PRRC2B: variants seen among roughly 807,000 people sequenced by gnomAD.
PRRC2B encodes the protein proline rich coiled-coil 2B, also known as protein PRRC2B.
PRRC2B carries 68 observed loss-of-function variants against 242.3 expected under a neutral mutation model. That is an observed-to-expected ratio of 0.28 (90% confidence interval 0.23 to 0.34). PRRC2B has a LOEUF of 0.34. PRRC2B is among the 10% of genes least tolerant of loss of function. PRRC2B has a pLI of 1.00. For missense variants in PRRC2B, 2,835 were observed against 2,954.8 expected, an observed-to-expected ratio of 0.96 and a Z score of 0.94; for synonymous variants, 1,228 against 1,173.6, an observed-to-expected ratio of 1.05 and a Z score of -0.95.
intron 23 of PRRC2B, among the ~76,000 whole-genome samples, chr9:131,483,762 C>T (rs1943938030): frequency 6.6e-6 from 1 of 152,308 alleles, no homozygotes; most frequent in East Asian, 1.9e-4. Context: ...TAGGAGAGCC[C>T]TCCTCAGGAG....
At chr9:131,484,347 G>T (rs1482067270) in intron 23 of PRRC2B, among the ~76,000 whole-genome samples, 1 of 152,188 alleles carries the variant, frequency 6.6e-6, no homozygotes, top group Non-Finnish European at 1.5e-5. Flanking sequence ...TCCCTGTCTG[G>T]AGGGCACTAT....
Position 131,474,503 on chromosome 9 carries a change from G to C in PRRC2B, c.2374G>C (p.Ala792Pro). The C allele has an allele frequency of 6.2e-7, 1 of 1,614,010 alleles. No individual in the cohort carries two copies. The highest frequency in any genetic ancestry group is 1.7e-4 in the Middle Eastern group (1 of 6,052). ...ACTCGGAAGGGCAGGGGGCGTAAGTGCTCAGCGCGATCTCTTTGAGGAGAG... is the reference window on the plus strand; with the variant it reads ...ACTCGGAAGGGCAGGGGGCGTAAGTCCTCAGCGCGATCTCTTTGAGGAGAG... ...ASLGRAGGVSAQRDLFEERGE... is the reference protein window; with the variant it reads ...ASLGRAGGVSPQRDLFEERGE... Residue 792 changes from alanine to proline, a missense_variant, in exon 16 of 32, where the codon GCT (alanine) becomes CCT (proline). Physicochemically the swap from Ala to Pro is conservative, Grantham distance 27. This residue lies in a region of PRRC2B where 1,536 missense variants were observed against 1,483.1 expected (regional missense o/e 1.04). Transcript: ENST00000683519.
chr9:131,413,211 T>C (rs1837550876), intron 1 of PRRC2B, among the ~76,000 whole-genome samples: 2 of 152,260 alleles, frequency 1.3e-5, no homozygotes, highest in Non-Finnish European at 2.9e-5. Context: ...TTACCTTTCT[T>C]AGCATTCCAC....
chr9:131,446,106 TG>T lies in PRRC2B; in HGVS notation c.614-292del, dbSNP rs1443682976. On this transcript the variant is annotated intron_variant, in intron 6 of 31. Coordinates refer to ENST00000683519, the MANE Select transcript of PRRC2B (RefSeq NM_013318.4). This position sits in a 1 kb window ranked among gnomAD's most constrained non-coding sequence, Gnocchi z 4.1. Reference sequence around the variant, plus strand: ...TTCATCAGGGCCATCTTCATCTCTCTGGGTTGTGAGACTTGGGGAAGGGTGG... The same window carrying T: ...TTCATCAGGGCCATCTTCATCTCTCTGGTTGTGAGACTTGGGGAAGGGTGG... 6.6e-6 allele frequency among the ~76,000 whole-genome samples: 1 copy of T among 151,592 alleles called. No homozygotes were observed. Among genetic ancestry groups the T allele is most frequent in the Non-Finnish European group, 1.5e-5 (1 of 67,932 alleles).
At chr9:131,410,924 G>T (rs776927651) in intron 1 of PRRC2B, among the ~76,000 whole-genome samples, 2 of 150,872 alleles carry the variant, frequency 1.3e-5, no homozygotes, top group East Asian at 3.9e-4. Flanking sequence ...ATTTTTTTTC[G>T]TTAGGAATTT....
chr9:131,403,356 A>AT (rs1348421748), intron 1 of PRRC2B, among the ~76,000 whole-genome samples: 3 of 151,618 alleles, frequency 2.0e-5, no homozygotes, highest in African/African-American at 7.3e-5. Context: ...TTATTTATTT[A>AT]TTTATTTTTT....
chr9:131,449,886 AT>A (rs1262547705), intron 9 of PRRC2B, among the ~76,000 whole-genome samples: 1 of 152,184 alleles, frequency 6.6e-6, no homozygotes, highest in East Asian at 1.9e-4. Flanking sequence ...TCCACATTGG[AT>A]TAATTTTTGT....
At chr9:131,411,634 C>T (rs373793152) in intron 1 of PRRC2B, among the ~76,000 whole-genome samples, 5 of 152,062 alleles carry the variant, frequency 3.3e-5, no homozygotes, top group South Asian at 2.1e-4. Context: ...TGAGCCACTG[C>T]GCCTGGCCTC....
rs561661956 is a variant in PRRC2B at position 131,423,941 on chromosome 9, G to GTT, written c.-51-6142_-51-6141dup. Among the ~76,000 whole-genome samples, 166 of 147,046 alleles carry GTT rather than the reference G, an allele frequency of 1.1e-3. No individual in the cohort carries two copies. In the South Asian group the frequency reaches 0.014, roughly 13 times the overall value. ...ACAGTAAGCCATTTCTTTCTGCTACGTTTTTTTTTTTTAGACAGATTTTTC... is the reference window on the plus strand; with the variant it reads ...ACAGTAAGCCATTTCTTTCTGCTACGTTTTTTTTTTTTTTAGACAGATTTTTC... On this transcript the variant is annotated intron_variant, in intron 1 of 31. Transcript: ENST00000683519.
intron 9 of PRRC2B, chr9:131,448,117 GT>G (rs1838863607): frequency 4.2e-6 from 1 of 238,994 alleles, no homozygotes; most frequent in Admixed American, 5.2e-5. Flanking sequence ...GATCACTCAG[GT>G]TCAATAAGTA....
At chr9:131,443,375 A>G (rs1838675975) in intron 5 of PRRC2B, among the ~76,000 whole-genome samples, 1 of 151,612 alleles carries the variant, frequency 6.6e-6, no homozygotes, top group Non-Finnish European at 1.5e-5. Flanking sequence ...TGACCTCATG[A>G]TCCGCCCGCG....
Position 131,500,146 on chromosome 9 carries a change from T to C in PRRC2B, c.*4272T>C, listed in dbSNP as rs1485489022. On this transcript the variant is annotated 3_prime_UTR_variant, in exon 32 of 32. Coordinates refer to ENST00000683519, the MANE Select transcript of PRRC2B (RefSeq NM_013318.4). ...CAAATATGTGATTGTACTAGCTCTTTCCATATGAAAGAATTCTCCTTATTT... is the reference window on the plus strand; with the variant it reads ...CAAATATGTGATTGTACTAGCTCTTCCCATATGAAAGAATTCTCCTTATTT... 2 of 152,186 alleles carry C rather than the reference T, an allele frequency of 1.3e-5. No homozygotes were observed. The highest frequency in any genetic ancestry group is 2.1e-4 in the South Asian group (1 of 4,832). The allele number at this position is 152,186 out of a possible 1,614,324, so 9.4% of individuals were successfully genotyped here.
chr9:131,375,769 C>G (rs1316334739), intron 1 of PRRC2B, among the ~76,000 whole-genome samples: 1 of 152,164 alleles, frequency 6.6e-6, no homozygotes, highest in Non-Finnish European at 1.5e-5. Flanking sequence ...TGGCTCAGGT[C>G]TGTAATCCCA....
intron 19 of PRRC2B, among the ~76,000 whole-genome samples, chr9:131,481,431 A>G (rs1358442952): frequency 6.6e-6 from 1 of 152,188 alleles, no homozygotes; most frequent in Non-Finnish European, 1.5e-5. Flanking sequence ...AACGACAGAG[A>G]ATCCAGATTG....
intron 1 of PRRC2B, among the ~76,000 whole-genome samples, chr9:131,396,763 G>T (rs1454926256): frequency 1.3e-5 from 2 of 152,062 alleles, no homozygotes; most frequent in Non-Finnish European, 2.9e-5. Flanking sequence ...GAATGGCTTA[G>T]TACAGCTAGG....
chr9:131,388,274 C>G (rs997397241), intron 1 of PRRC2B, among the ~76,000 whole-genome samples: 1 of 128,448 alleles, frequency 7.8e-6, no homozygotes, highest in Non-Finnish European at 1.6e-5. Flanking sequence ...GAGATTCCCT[C>G]TTGTTGCCCA....
At chr9:131,390,426 T>C (rs1400382775), upstream of PRRC2B, among the ~76,000 whole-genome samples, 1 of 146,388 alleles carries the variant, frequency 6.8e-6, no homozygotes, top group East Asian at 2.0e-4. Context: ...AGGAGATGGC[T>C]GAGCTGGATT....
At chr9:131,435,737 A>G (rs902283654) in intron 3 of PRRC2B, among the ~76,000 whole-genome samples, 3 of 152,200 alleles carry the variant, frequency 2.0e-5, no homozygotes, top group Non-Finnish European at 2.9e-5. Context: ...TTGTGTGCTC[A>G]TTAAAAGCAA....
chr9:131,438,848 C>T, intron 4 of PRRC2B, 141 bp from the exon 5 acceptor site: 1 of 649,798 alleles, frequency 1.5e-6, no homozygotes, highest in Non-Finnish European at 2.8e-6. Context: ...GGCTTTGCTG[C>T]TGCTCAGAAA....
Sources: gnomAD v4.1 joint callset for allele counts (sites outside exome capture counted in the v4.1 genomes callset) on GRCh38, gnomAD v4.1.1 for gene constraint, gnomAD v4.1.1 regional missense constraint, Gnocchi (gnomAD v3.1) non-coding constraint, MANE v1.5 for transcripts, NCBI Gene and HGNC (gene_info 2026-07-23, HGNC 2026-07-21) for gene names.